R3HDM2: variants seen among roughly 807,000 people sequenced by gnomAD.
The protein encoded by R3HDM2 is R3H domain containing 2.
R3HDM2 carries 38 observed loss-of-function variants against 124.5 expected under a neutral mutation model. That is an observed-to-expected ratio of 0.31 (90% confidence interval 0.24 to 0.40). The LOEUF is 0.40. Ranked by LOEUF, R3HDM2 falls within the 10% of genes least tolerant of loss-of-function variation. R3HDM2 has a pLI of 1.00. For synonymous variants in R3HDM2, 391 were observed against 448.0 expected, an observed-to-expected ratio of 0.87 and a Z score of 1.61; for missense variants, 869 against 1,236.9, an observed-to-expected ratio of 0.70 and a Z score of 4.46.
intron 2 of R3HDM2, among the ~76,000 whole-genome samples, chr12:57,316,530 C>T (rs902605643): frequency 2.6e-5 from 4 of 151,806 alleles, no homozygotes; most frequent in Non-Finnish European, 5.9e-5. Flanking sequence ...GTGGCAGCAC[C>T]CTGCCAACAC....
intron 2 of R3HDM2, among the ~76,000 whole-genome samples, chr12:57,314,567 AAAG>A (rs1280604976): frequency 1.3e-5 from 2 of 152,216 alleles, no homozygotes; most frequent in African/African-American, 4.8e-5. Flanking sequence ...CCTATTCCCC[AAAG>A]AAGAACTCAT....
At chr12:57,378,935 C>A (rs1314596575) in intron 2 of R3HDM2, among the ~76,000 whole-genome samples, 1 of 152,116 alleles carries the variant, frequency 6.6e-6, no homozygotes, top group Non-Finnish European at 1.5e-5. Context: ...ACATGGATAA[C>A]CTTGACGACA....
intron 20 of R3HDM2, among the ~76,000 whole-genome samples, chr12:57,258,527 T>C (rs1371047042): frequency 6.6e-5 from 10 of 151,828 alleles, no homozygotes; most frequent in Non-Finnish European, 2.9e-5. Context: ...TTATTTTCAG[T>C]AGAGACGGGG....
chr12:57,386,531 C>G (rs1202010665), intron 2 of R3HDM2, among the ~76,000 whole-genome samples: 1 of 152,214 alleles, frequency 6.6e-6, no homozygotes, highest in Non-Finnish European at 1.5e-5. Context: ...ACCTGCAGCC[C>G]GCCATGCCTG....
At chr12:57,360,028 C>CATATATAT (rs1279892811) in intron 2 of R3HDM2, among the ~76,000 whole-genome samples, 1 of 94,182 alleles carries the variant, frequency 1.1e-5, no homozygotes, top group Non-Finnish European at 2.3e-5. Flanking sequence ...TATATACACA[C>CATATATAT]ATATATATAT....
At chr12:57,274,075 T>C (rs1266657479) in intron 14 of R3HDM2, among the ~76,000 whole-genome samples, 1 of 152,226 alleles carries the variant, frequency 6.6e-6, no homozygotes, top group African/African-American at 2.4e-5. Context: ...TAGCTGCTTA[T>C]ACTGGTGGCT....
intron 3 of R3HDM2, 110 bp downstream of exon 3, chr12:57,310,154 G>A (rs2053606569): frequency 2.9e-6 from 2 of 699,616 alleles, no homozygotes; most frequent in South Asian, 2.6e-5. Flanking sequence ...AGGGTGCAGT[G>A]GGCCCTAATT....
chr12:57,282,432 C>A (rs2046375194), intron 13 of R3HDM2, among the ~76,000 whole-genome samples: 1 of 152,078 alleles, frequency 6.6e-6, no homozygotes, highest in Admixed American at 6.5e-5. Context: ...GGTGAGGATG[C>A]AGAAACGAAC....
chr12:57,424,154 G>GTT (rs1314666914), intron 1 of R3HDM2, among the ~76,000 whole-genome samples: 1 of 139,604 alleles, frequency 7.2e-6, no homozygotes, highest in Non-Finnish European at 1.5e-5. Context: ...CAAAGAAACT[G>GTT]TAAGTGAACA....
At chr12:57,268,768 T>C (rs1381593438) in intron 17 of R3HDM2, among the ~76,000 whole-genome samples, 154 bp downstream of exon 17, 2 of 152,236 alleles carry the variant, frequency 1.3e-5, no homozygotes, top group Admixed American at 6.5e-5. Flanking sequence ...TAAAACTCCA[T>C]GGGCTTTCCG....
At chr12:57,318,088 G>A (rs2055567397) in intron 2 of R3HDM2, among the ~76,000 whole-genome samples, 1 of 151,622 alleles carries the variant, frequency 6.6e-6, no homozygotes, top group African/African-American at 2.4e-5. Context: ...TCAGGGGTTC[G>A]AGACCAGCCT....
chr12:57,366,243 T>C (rs779355621), intron 2 of R3HDM2, among the ~76,000 whole-genome samples: 6 of 151,862 alleles, frequency 4.0e-5, no homozygotes, highest in African/African-American at 1.5e-4. Context: ...CAGCCTTGAA[T>C]TCCTGGGCTC....
chr12:57,343,180 G>C (rs1251805819), intron 2 of R3HDM2, among the ~76,000 whole-genome samples: 3 of 150,652 alleles, frequency 2.0e-5, no homozygotes, highest in Non-Finnish European at 4.4e-5. Context: ...TGACCCTCGG[G>C]TCTTAATTTT....
intron 2 of R3HDM2, among the ~76,000 whole-genome samples, chr12:57,335,053 G>C (rs1027739655): frequency 6.6e-6 from 1 of 151,528 alleles, no homozygotes; most frequent in Non-Finnish European, 1.5e-5. Context: ...ATAGCAGGAG[G>C]ATCCCTTGAG....
At chr12:57,270,267 G>A (rs758624416) in intron 14 of R3HDM2, among the ~76,000 whole-genome samples, 1 of 152,110 alleles carries the variant, frequency 6.6e-6, no homozygotes, top group Admixed American at 6.5e-5. Flanking sequence ...TTGTTGCCCA[G>A]CCTGGAGTGC....
chr12:57,298,851 T>C (rs2050466254), intron 6 of R3HDM2, among the ~76,000 whole-genome samples: 2 of 152,002 alleles, frequency 1.3e-5, no homozygotes, highest in South Asian at 2.1e-4. Context: ...TAGTCCCAGC[T>C]ACTCAGGTGG....
rs191082595 is a variant in R3HDM2 at position 57,425,343 on chromosome 12, A to G, written c.-106+5377T>C. ...TTCTAGAAGATGCAGTTATTTCTTT[A>G]TACTAATAATATCAGAACTATGTCC... On this transcript the variant is annotated intron_variant, in intron 1 of 23. Transcript: ENST00000402412. 3.3e-5 allele frequency among the ~76,000 whole-genome samples: 5 copies of G among 152,292 alleles called. No individual in the cohort carries two copies. The East Asian group carries it at 9.6e-4, about 29-fold the overall frequency.
chr12:57,386,347 C>G (rs983263568), intron 2 of R3HDM2, among the ~76,000 whole-genome samples: 1 of 152,234 alleles, frequency 6.6e-6, no homozygotes, highest in African/African-American at 2.4e-5. Context: ...CTGCCCATGG[C>G]GCTTGCGGGC....
At chr12:57,362,533 AAT>A (rs1319218044) in intron 2 of R3HDM2, among the ~76,000 whole-genome samples, 2 of 152,206 alleles carry the variant, frequency 1.3e-5, no homozygotes, top group Non-Finnish European at 2.9e-5. Context: ...GTAGACGATT[AAT>A]AGTTAAGTTT....
Sources: gnomAD v4.1 joint callset for allele counts (sites outside exome capture counted in the v4.1 genomes callset) on GRCh38, gnomAD v4.1.1 for gene constraint, MANE v1.5 for transcripts, NCBI Gene and HGNC (gene_info 2026-07-23, HGNC 2026-07-21) for gene names.